Variants in LOXL1 observed in about 807,000 individuals in gnomAD.
LOXL1 encodes lysyl oxidase like 1.
Under a neutral mutation model 62.2 loss-of-function variants are expected in LOXL1, and 31 were observed. The observed-to-expected ratio is 0.50, with a 90% CI of 0.37 to 0.67. The LOEUF (loss-of-function observed/expected upper bound fraction) is 0.67, where lower values mean the gene tolerates loss of function less well. Among genes scored for constraint, LOXL1 ranks in the 30% least tolerant of loss-of-function variants. LOXL1 has a pLI of 0.00. For synonymous variants in LOXL1, 403 were observed against 384.4 expected (o/e 1.05, Z -0.56); for missense variants, 775 against 843.4 (o/e 0.92, Z 1.00).
chr15:73,936,052 G>T (rs2068669931), intron 1 of LOXL1, among the ~76,000 whole-genome samples: 1 of 151,526 alleles, frequency 6.6e-6, no homozygotes, highest in Non-Finnish European at 1.5e-5. Context: ...GTTGGGGTAT[G>T]CTGCCAGAGA....
chr15:73,932,706 C>T (rs1319593203), intron 1 of LOXL1, among the ~76,000 whole-genome samples: 1 of 152,242 alleles, frequency 6.6e-6, no homozygotes, highest in Non-Finnish European at 1.5e-5. Context: ...CCTGTGACAA[C>T]CCTGGGATTG....
chr15:73,928,104 G>C, intron 1 of LOXL1: 1 of 413,696 alleles, frequency 2.4e-6, no homozygotes, highest in Non-Finnish European at 4.2e-6. Flanking sequence ...TCAGTGCCAG[G>C]GGTTGGCCAG....
In LOXL1 at chr15:73,951,969, A is replaced by ACTAGG; in HGVS notation, c.*132_*133insCTAGG. 1.4e-6 allele frequency: 1 copy of ACTAGG among 714,168 alleles called. No individual in the cohort carries two copies. 44.2% of individuals were successfully genotyped at this position (714,168 alleles called of 1,614,324 possible). On this transcript the variant is annotated 3_prime_UTR_variant, in exon 7 of 7. Coordinates refer to ENST00000261921, the MANE Select transcript of LOXL1 (RefSeq NM_005576.4). ...GCATCCCTCCCTGCCGGCCTCAGGG[A>ACTAGG]GCGAACGTGGATGAAAACCACAGGG...
At chr15:73,951,743 C>G in intron 6 of LOXL1, 88 bp from the exon 7 acceptor site, 1 of 1,240,180 alleles carries the variant, frequency 8.1e-7, no homozygotes, top group Non-Finnish European at 1.1e-6. Context: ...CACGAGGGAT[C>G]TGGGCTGTGG....
At position 73,926,472 on chromosome 15, in the gene LOXL1, G is replaced by C. The variant is rs756566867; in HGVS notation, c.-312G>C. 5 of 297,270 alleles carry C rather than the reference G, an allele frequency of 1.7e-5. No individual in the cohort carries two copies. Among genetic ancestry groups the C allele is most frequent in the Admixed American group, 5.1e-5 (1 of 19,454 alleles). The allele number at this position is 297,270 out of a possible 1,614,324, so 18.4% of individuals were successfully genotyped here. On this transcript the variant is annotated 5_prime_UTR_variant, in exon 1 of 7. Transcript: ENST00000261921. ...GCCTGTTGCTTATTCATTCAGAGTG[G>C]GAAAGCGCCAGCCGAGCGGCCAGCC...
chr15:73,939,029 C>T (rs1468810086), intron 1 of LOXL1, among the ~76,000 whole-genome samples: 2 of 152,192 alleles, frequency 1.3e-5, no homozygotes, highest in Non-Finnish European at 2.9e-5. Context: ...ATTGGCCACT[C>T]TGCTTGGAGG....
rs1384291430 is a variant in LOXL1 at position 73,947,678 on chromosome 15, A to C, written c.1507-129A>C. 1.0e-5 allele frequency: 7 copies of C among 670,704 alleles called. No individual in the cohort carries two copies. In the Admixed American group the frequency reaches 1.7e-4, roughly 16 times the overall value. 41.5% of individuals were successfully genotyped at this position (670,704 alleles called of 1,614,324 possible). On this transcript the variant is annotated intron_variant, in intron 4 of 6. Coordinates refer to ENST00000261921, the MANE Select transcript of LOXL1 (RefSeq NM_005576.4). ...TTTAGGAAGGTGTGGACCCACCCTG[A>C]GCAGTTGCCCTGGGCCAGGGTCAGG... is the stretch of plus-strand genomic sequence containing the variant.
At chr15:73,946,692 G>A in intron 3 of LOXL1, 138 bp downstream of exon 3, 2 of 1,030,420 alleles carry the variant, frequency 1.9e-6, no homozygotes, top group Non-Finnish European at 2.8e-6. Context: ...GGTGTTACCT[G>A]CCAACTCTTT....
In LOXL1 at chr15:73,947,314, G is replaced by A. The variant is rs1438137030; in HGVS notation, c.1506+91G>A. The A allele has an allele frequency of 2.8e-6, 4 of 1,414,594 alleles. No individual in the cohort carries two copies. In the Admixed American group the frequency reaches 6.0e-5, roughly 21 times the overall value. The allele number at this position is 1,414,594 out of a possible 1,614,324, so 87.6% of individuals were successfully genotyped here. The stretch of plus-strand genomic sequence containing the variant: ...CCCGCTGAGGCCCGGCAAGTGCCAA[G>A]GCTTCTGGCCACTCAGCTCTGCTCA... On this transcript the variant is annotated intron_variant, in intron 4 of 6. Coordinates refer to ENST00000261921, the MANE Select transcript of LOXL1 (RefSeq NM_005576.4).
rs1555433316 is a variant in LOXL1 at position 73,938,319 on chromosome 15, G to GTCTATCTATCTATCTATCTATC, written c.1103-4534_1103-4533insCTATCTATCTATCTATCTATCT. On this transcript the variant is annotated intron_variant, in intron 1 of 6. Transcript: ENST00000261921. ...TCTATCTATCTATCTATCTATCTAG[G>GTCTATCTATCTATCTATCTATC]TAGATAGATAGAACAGGAGGCCAGC... is the stretch of plus-strand genomic sequence containing the variant. 6.0e-4 allele frequency among the ~76,000 whole-genome samples: 55 copies of GTCTATCTATCTATCTATCTATC among 91,066 alleles called. 1 individual carries two copies. The highest frequency in any genetic ancestry group is 2.0e-3 in the East Asian group (9 of 4,436). 59.7% of individuals were successfully genotyped at this position (91,066 alleles called of 152,430 possible). A position where few individuals can be genotyped will look rare whatever the true frequency, so the allele number is the denominator to read the frequency against.
At chr15:73,944,433 A>G (rs756734058) in intron 2 of LOXL1, among the ~76,000 whole-genome samples, 12 of 152,166 alleles carry the variant, frequency 7.9e-5, no homozygotes, top group Non-Finnish European at 1.5e-4. Context: ...GACAGAACCA[A>G]GACACGAGTG....
intron 1 of LOXL1, among the ~76,000 whole-genome samples, chr15:73,935,957 G>GTGTGTGTGTGTT (rs2068668418): frequency 6.6e-6 from 1 of 151,448 alleles, no homozygotes; most frequent in South Asian, 2.1e-4. Flanking sequence ...GTGTGTGTGT[G>GTGTGTGTGTGTT]TGTGTGTGTG....
At chr15:73,948,966 C>G (rs1264020993) in intron 5 of LOXL1, among the ~76,000 whole-genome samples, 1 of 152,236 alleles carries the variant, frequency 6.6e-6, no homozygotes, top group Non-Finnish European at 1.5e-5. Flanking sequence ...CCCAACAGCT[C>G]CTTTTCAGAC....
At chr15:73,935,918 C>G (rs999501317) in intron 1 of LOXL1, among the ~76,000 whole-genome samples, 1 of 139,082 alleles carries the variant, frequency 7.2e-6, no homozygotes, top group South Asian at 2.4e-4. Flanking sequence ...CTGTGTGCCT[C>G]TGCATAGGTA....
chr15:73,948,416 T>G (rs1316080741), intron 5 of LOXL1, among the ~76,000 whole-genome samples: 3 of 152,166 alleles, frequency 2.0e-5, no homozygotes, highest in African/African-American at 4.8e-5. Context: ...AAAAGCATAT[T>G]AACAACACAC....
intron 1 of LOXL1, among the ~76,000 whole-genome samples, chr15:73,929,078 C>G (rs1160029491): frequency 1.3e-5 from 2 of 152,222 alleles, no homozygotes; most frequent in Non-Finnish European, 2.9e-5. Flanking sequence ...GCTACTGTGA[C>G]AAGGGCTGAC....
chr15:73,944,780 G>A, intron 2 of LOXL1, among the ~76,000 whole-genome samples: 1 of 152,178 alleles, frequency 6.6e-6, no homozygotes, highest in Non-Finnish European at 1.5e-5. Flanking sequence ...GGATTTAACT[G>A]AACAGAGGGA....
chr15:73,944,195 T>C (rs2068733218), intron 2 of LOXL1, among the ~76,000 whole-genome samples: 1 of 152,176 alleles, frequency 6.6e-6, no homozygotes, highest in Non-Finnish European at 1.5e-5. Flanking sequence ...GAGAGCATAA[T>C]GGTCCTGCTG....
At position 73,947,116 on chromosome 15, in the gene LOXL1, G is replaced by A; in HGVS notation, c.1399G>A (p.Ala467Thr). ...EFSHYDLLDAATGKKVAEGHK... is the reference protein window; with the variant it reads ...EFSHYDLLDATTGKKVAEGHK... ...CAGCCACTACGACCTACTGGATGCA[G>A]CCACAGGCAAGAAGGTGGCCGAGGG... The change falls in exon 4 of 7, where the codon GCC becomes ACC. Residue 467 changes from alanine to threonine, a missense_variant. Coordinates refer to ENST00000261921, the MANE Select transcript of LOXL1 (RefSeq NM_005576.4). 7 of 1,613,590 alleles carry A rather than the reference G, an allele frequency of 4.3e-6. No homozygotes were observed. Among genetic ancestry groups the A allele is most frequent in the Non-Finnish European group, 5.9e-6 (7 of 1,179,562 alleles).
Sources: gnomAD v4.1 joint callset for allele counts (sites outside exome capture counted in the v4.1 genomes callset) on GRCh38, gnomAD v4.1.1 for gene constraint, MANE v1.5 for transcripts, NCBI Gene and HGNC (gene_info 2026-07-23, HGNC 2026-07-21) for gene names.